AFAP1: variants seen among roughly 807,000 people sequenced by gnomAD.
AFAP1 encodes the protein actin filament-associated protein 1.
A neutral mutation model predicts 93.9 loss-of-function variants in AFAP1; 75 were observed. That is an observed-to-expected ratio of 0.80 (90% CI 0.66 to 0.97). AFAP1 has a LOEUF of 0.97. Among genes scored for constraint, AFAP1 ranks in the 50% least tolerant of loss-of-function variants. The pLI is 0.00. For synonymous variants in AFAP1, 517 were observed against 430.7 expected (o/e 1.20, Z -2.48); for missense variants, 1,201 against 1,050.8 (o/e 1.14, Z -1.98).
At chr4:7,797,333 G>A (rs1056666788) in intron 10 of AFAP1, among the ~76,000 whole-genome samples, 1 of 152,164 alleles carries the variant, frequency 6.6e-6, no homozygotes, top group Non-Finnish European at 1.5e-5. Context: ...CTTCCCACAT[G>A]AGACTTAGAG....
rs1560144379 is a variant in AFAP1, at chr4:7,768,950, C to G, written c.2312G>C (p.Ser771Thr). 3.1e-6 allele frequency: 5 copies of G among 1,613,902 alleles called. No homozygotes were observed. The highest frequency in any genetic ancestry group is 1.7e-4 in the Middle Eastern group (1 of 6,058). The change falls in exon 17 of 18, where the codon AGT becomes ACT. Residue 771 changes from serine (S) to threonine (T), a missense_variant. Transcript: ENST00000420658. ...ENSPISSCDT[S>T]DTEGPVPVNS... ...CACCGGCACGGGGCCCTCGGTGTCA[C>G]TGGTGTCACAGCTGGAGATGGGCGA...
intron 17 of AFAP1, among the ~76,000 whole-genome samples, chr4:7,764,455 G>A (rs532422559): frequency 5.3e-5 from 8 of 152,344 alleles, no homozygotes; most frequent in African/African-American, 1.9e-4. Context: ...GGGAAGATGA[G>A]AAAGTTCTGG....
At chr4:7,836,694 C>T (rs994558555) in intron 6 of AFAP1, among the ~76,000 whole-genome samples, 1 of 152,132 alleles carries the variant, frequency 6.6e-6, no homozygotes, top group African/African-American at 2.4e-5. Flanking sequence ...AGCTATCGGC[C>T]CACCTTGGCT....
intron 1 of AFAP1, among the ~76,000 whole-genome samples, chr4:7,889,838 T>C (rs1313464544): frequency 6.6e-6 from 1 of 150,958 alleles, no homozygotes; most frequent in Non-Finnish European, 1.5e-5. Flanking sequence ...CTGACAACTA[T>C]GAGATGCTGT....
chr4:7,846,061 T>A (rs1051259676), intron 4 of AFAP1, among the ~76,000 whole-genome samples: 1 of 152,132 alleles, frequency 6.6e-6, no homozygotes, highest in Non-Finnish European at 1.5e-5. Context: ...AGAAACGCGA[T>A]GAGCGAAAGC....
At chr4:7,783,381 C>G (rs1716963980) in intron 12 of AFAP1, among the ~76,000 whole-genome samples, 1 of 152,190 alleles carries the variant, frequency 6.6e-6, no homozygotes, top group Non-Finnish European at 1.5e-5. Flanking sequence ...CTTAAGTGAT[C>G]TGCCCACCTC....
At chr4:7,929,191 C>T (rs529364491) in intron 1 of AFAP1, among the ~76,000 whole-genome samples, 2 of 152,114 alleles carry the variant, frequency 1.3e-5, no homozygotes, top group African/African-American at 4.8e-5. Flanking sequence ...TTTCTTTGTC[C>T]TCTCCACATA....
chr4:7,871,610 G>A (rs1374917494), intron 2 of AFAP1, among the ~76,000 whole-genome samples: 14 of 152,158 alleles, frequency 9.2e-5, no homozygotes, highest in Non-Finnish European at 7.3e-5. Flanking sequence ...TCTGCCAGTC[G>A]GACTGTGCAT....
chr4:7,871,904 A>G (rs749950388), intron 2 of AFAP1, 48 bp downstream of exon 2: 1 of 1,602,126 alleles, frequency 6.2e-7, no homozygotes, highest in South Asian at 1.1e-5. Flanking sequence ...ACGATTTAGA[A>G]GCCAAGACAC....
intron 1 of AFAP1, among the ~76,000 whole-genome samples, chr4:7,920,200 C>G (rs1409261270): frequency 6.6e-6 from 1 of 152,156 alleles, no homozygotes. Context: ...GGTTCTAGAT[C>G]TTTGAGGAAT....
rs975141470 is a variant in AFAP1 at position 7,769,107 on chromosome 4, G to T, written c.2254-99C>A. Reference sequence around the variant, plus strand: ...TATTTCAAGGAAGAAATAAGTTTTGGAAATGGGCAAAAATAACAGCAGTAG... The same window carrying T: ...TATTTCAAGGAAGAAATAAGTTTTGTAAATGGGCAAAAATAACAGCAGTAG... On this transcript the variant is annotated intron_variant, in intron 16 of 17. Transcript: ENST00000420658. 8.3e-6 allele frequency: 12 copies of T among 1,441,364 alleles called. No individual in the cohort carries two copies. The South Asian group carries it at 1.0e-4, about 12-fold the overall frequency. 89.3% of individuals were successfully genotyped at this position (1,441,364 alleles called of 1,614,324 possible). A position where few individuals can be genotyped will look rare whatever the true frequency, so the allele number is the denominator to read the frequency against.
Position 7,875,162 on chromosome 4 carries a change from G to C in AFAP1, c.-2-3082C>G, listed in dbSNP as rs115050555. ...TCATGCAAAAAGCCTAAGCAAAAAA[G>C]TTTGAGAGCTGCTCGTCTGTGGGAT... On this transcript the variant is annotated intron_variant, in intron 1 of 17. Transcript: ENST00000420658. Among the ~76,000 whole-genome samples, 903 of 152,296 alleles carry C rather than the reference G, an allele frequency of 5.9e-3. 7 individuals carry two copies. Among genetic ancestry groups the C allele is most frequent in the African/African-American group, 0.019 (790 of 41,578 alleles).
At chr4:7,870,719 A>C (rs1453203028) in intron 2 of AFAP1, among the ~76,000 whole-genome samples, 1 of 152,036 alleles carries the variant, frequency 6.6e-6, no homozygotes, top group African/African-American at 2.4e-5. Flanking sequence ...CTGCTTTCTT[A>C]TCTAAGTGGC....
intron 10 of AFAP1, among the ~76,000 whole-genome samples, chr4:7,795,844 T>G (rs923555380): frequency 3.9e-5 from 6 of 152,188 alleles, no homozygotes; most frequent in African/African-American, 1.4e-4. Flanking sequence ...TACTTTAGAG[T>G]TTACCAATTG....
intron 4 of AFAP1, among the ~76,000 whole-genome samples, chr4:7,848,184 A>AC: frequency 1.7e-5 from 1 of 58,204 alleles, no homozygotes; most frequent in South Asian, 8.0e-4. Flanking sequence ...GGAGGGAGGG[A>AC]GGAAGGAAGG....
intron 8 of AFAP1, among the ~76,000 whole-genome samples, chr4:7,811,782 C>T (rs747175697): frequency 2.0e-5 from 3 of 152,156 alleles, no homozygotes; most frequent in Non-Finnish European, 4.4e-5. Flanking sequence ...GCCTCCAGGG[C>T]CGTCTAAATG....
chr4:7,902,906 A>G (rs1289592367), intron 1 of AFAP1, among the ~76,000 whole-genome samples: 1 of 152,218 alleles, frequency 6.6e-6, no homozygotes, highest in Non-Finnish European at 1.5e-5. Flanking sequence ...TCATACACAC[A>G]TACACAAACA....
Position 7,847,794 on chromosome 4 carries a change from G to GGGGA in AFAP1, c.335-4445_335-4444insTCCC, listed in dbSNP as rs1553845906. 5.0e-4 allele frequency among the ~76,000 whole-genome samples: 47 copies of GGGGA among 94,794 alleles called. 1 individual carries two copies. Among genetic ancestry groups the GGGGA allele is most frequent in the Middle Eastern group, 4.2e-3 (1 of 240 alleles). The allele number at this position is 94,794 out of a possible 152,430, so 62.2% of individuals were successfully genotyped here. A position where few individuals can be genotyped will look rare whatever the true frequency, so the allele number is the denominator to read the frequency against. On this transcript the variant is annotated intron_variant, in intron 4 of 17. Coordinates refer to ENST00000420658, the MANE Select transcript of AFAP1 (RefSeq NM_001134647.2). ...GGAAGGTTCTATTTCAGGGGTACTC[G>GGGGA]GGGTGGGGCATTGATTAGATACCAT...
At chr4:7,912,122 C>T (rs985529268) in intron 1 of AFAP1, among the ~76,000 whole-genome samples, 3 of 152,114 alleles carry the variant, frequency 2.0e-5, no homozygotes, top group East Asian at 1.9e-4. Flanking sequence ...TTTGAAAGAC[C>T]GATGAACAAG....
Sources: gnomAD v4.1 joint callset for allele counts (sites outside exome capture counted in the v4.1 genomes callset) on GRCh38, gnomAD v4.1.1 for gene constraint, MANE v1.5 for transcripts, NCBI Gene and HGNC (gene_info 2026-07-23, HGNC 2026-07-21) for gene names.